Variants in MSRA observed in about 807,000 individuals in gnomAD.
The protein encoded by MSRA is mitochondrial peptide methionine sulfoxide reductase.
A neutral mutation model predicts 31.3 loss-of-function variants in MSRA; 54 were observed. The ratio of observed to expected loss-of-function variants is 1.73; its 90% CI spans 1.39 to 2.17. MSRA has a LOEUF of 2.17. Ranked by LOEUF, MSRA falls within the 30% of genes most tolerant of loss-of-function variation. MSRA has a pLI of 0.00. For synonymous variants in MSRA, 169 were observed against 116.5 expected (o/e 1.45, Z -2.90); for missense variants, 507 against 300.9 (o/e 1.69, Z -5.07).
At chr8:10,236,674 A>T (rs1228746197) in intron 2 of MSRA, among the ~76,000 whole-genome samples, 2 of 152,110 alleles carry the variant, frequency 1.3e-5, no homozygotes, top group Non-Finnish European at 2.9e-5. Context: ...CCTCCTGAGT[A>T]GCTGGGACTA....
At chr8:10,193,791 C>T (rs192137776) in intron 1 of MSRA, among the ~76,000 whole-genome samples, 2 of 152,268 alleles carry the variant, frequency 1.3e-5, no homozygotes, top group Admixed American at 1.3e-4. Flanking sequence ...GGGACCAAGT[C>T]TGCTATCTCA....
chr8:10,366,173 A>G (rs1184305482), intron 5 of MSRA, among the ~76,000 whole-genome samples: 1 of 152,218 alleles, frequency 6.6e-6, no homozygotes, highest in African/African-American at 2.4e-5. Flanking sequence ...GAGGAGACTG[A>G]TTTTTTGAAA....
chr8:10,357,968 G>C (rs917791047), intron 5 of MSRA, among the ~76,000 whole-genome samples: 4 of 152,134 alleles, frequency 2.6e-5, no homozygotes, highest in Non-Finnish European at 4.4e-5. Context: ...TGTTGTCCAG[G>C]CTAGAGTGCA....
intron 3 of MSRA, among the ~76,000 whole-genome samples, chr8:10,266,792 C>T (rs752744221): frequency 3.3e-5 from 5 of 152,076 alleles, no homozygotes; most frequent in African/African-American, 7.2e-5. Flanking sequence ...GCAAAAGGCA[C>T]ATATTGGATC....
intron 3 of MSRA, among the ~76,000 whole-genome samples, chr8:10,287,943 T>G (rs953894978): frequency 1.3e-5 from 2 of 152,182 alleles, no homozygotes; most frequent in African/African-American, 4.8e-5. Context: ...CCTCCTAGAC[T>G]GTGAGCTCTT....
intron 3 of MSRA, among the ~76,000 whole-genome samples, chr8:10,264,233 A>G (rs1409985498): frequency 6.6e-6 from 1 of 152,198 alleles, no homozygotes; most frequent in Admixed American, 6.5e-5. Context: ...AGTCACTGCT[A>G]TCATTGTTTT....
At chr8:10,061,274 T>A (rs1802704316) in intron 1 of MSRA, among the ~76,000 whole-genome samples, 5 of 152,168 alleles carry the variant, frequency 3.3e-5, no homozygotes, top group Admixed American at 2.0e-4. Context: ...TTGGATCTTT[T>A]TACTTAGTCA....
chr8:10,119,457 A>G (rs1324289023), intron 1 of MSRA, among the ~76,000 whole-genome samples: 1 of 152,202 alleles, frequency 6.6e-6, no homozygotes, highest in Non-Finnish European at 1.5e-5. Context: ...AGTGGCTTGT[A>G]GCAGGCTGAT....
At chr8:10,099,293 A>G (rs986308500) in intron 1 of MSRA, among the ~76,000 whole-genome samples, 8 of 152,192 alleles carry the variant, frequency 5.3e-5, no homozygotes, top group Non-Finnish European at 8.8e-5. Context: ...GGCCCATGGA[A>G]TGGAGATGAG....
At chr8:10,248,763 C>G (rs189600677) in intron 3 of MSRA, among the ~76,000 whole-genome samples, 28 of 152,278 alleles carry the variant, frequency 1.8e-4, no homozygotes, top group African/African-American at 6.3e-4. Context: ...ATCGTGGGCT[C>G]ACTAATGGGG....
At chr8:10,254,458 T>C (rs900343728) in intron 3 of MSRA, among the ~76,000 whole-genome samples, 1 of 152,230 alleles carries the variant, frequency 6.6e-6, no homozygotes, top group Non-Finnish European at 1.5e-5. Flanking sequence ...ATAATACCCA[T>C]CTTAGGTTTA....
chr8:10,312,814 G>C (rs1217436369), intron 4 of MSRA, among the ~76,000 whole-genome samples: 1 of 152,154 alleles, frequency 6.6e-6, no homozygotes, highest in Non-Finnish European at 1.5e-5. Context: ...TATTGAAATA[G>C]ATGCTTAAAA....
rs112407362 is a variant in MSRA, at chr8:10,380,692, C to T, written c.544-47456C>T. ...CTTGGCGCACAATAAGTATTTAATA[C>T]ATTATTTTTGAATGGATGGATAGAA... is the stretch of plus-strand genomic sequence containing the variant. On this transcript the variant is annotated intron_variant, in intron 5 of 5. Transcript: ENST00000317173. 2.3e-3 allele frequency among the ~76,000 whole-genome samples: 348 copies of T among 152,210 alleles called. 1 individual carries two copies. The highest frequency in any genetic ancestry group is 7.8e-3 in the African/African-American group (323 of 41,520).
chr8:10,353,958 C>T, intron 5 of MSRA: 2 of 179,208 alleles, frequency 1.1e-5, no homozygotes, highest in South Asian at 2.5e-4. Context: ...GTCAAGAGAG[C>T]TAAAATGAAC....
intron 2 of MSRA, among the ~76,000 whole-genome samples, chr8:10,237,259 C>G (rs1263568706): frequency 6.6e-6 from 1 of 152,180 alleles, no homozygotes; most frequent in Non-Finnish European, 1.5e-5. Flanking sequence ...AAGCTCCAGC[C>G]CACTGAATGT....
chr8:10,285,826 C>T (rs1023343448), intron 3 of MSRA, among the ~76,000 whole-genome samples: 1 of 152,022 alleles, frequency 6.6e-6, no homozygotes, highest in Non-Finnish European at 1.5e-5. Flanking sequence ...CAGTTTTGTT[C>T]TTTTTTTAAA....
At chr8:10,416,684 C>T (rs1209940820) in intron 5 of MSRA, among the ~76,000 whole-genome samples, 1 of 152,220 alleles carries the variant, frequency 6.6e-6, no homozygotes, top group Non-Finnish European at 1.5e-5. Context: ...GTGCCGTTGA[C>T]CACACTTGCC....
chr8:10,099,057 C>G (rs1204062563), intron 1 of MSRA, among the ~76,000 whole-genome samples: 3 of 152,130 alleles, frequency 2.0e-5, no homozygotes, highest in Non-Finnish European at 4.4e-5. Context: ...TTAAATGGAC[C>G]TATCAGTTCA....
intron 1 of MSRA, among the ~76,000 whole-genome samples, chr8:10,089,560 A>G (rs945645880): frequency 1.3e-5 from 2 of 152,166 alleles, no homozygotes; most frequent in Admixed American, 6.5e-5. Flanking sequence ...CGGGTAGACG[A>G]GAGGTAGGTG....
Sources: allele counts gnomAD v4.1 joint callset (sites outside exome capture counted in the v4.1 genomes callset), GRCh38; gene constraint gnomAD v4.1.1; transcripts MANE v1.5; gene names NCBI Gene and HGNC (gene_info 2026-07-23, HGNC 2026-07-21).